The following SLC2A9 variants were observed in gnomAD, a reference collection of about 807,000 sequenced individuals.
SLC2A9 encodes solute carrier family 2 member 9.
SLC2A9 carries 39 observed loss-of-function variants against 50.6 expected under a neutral mutation model. The ratio of observed to expected loss-of-function variants is 0.77; its 90% CI spans 0.60 to 1.01. The LOEUF (loss-of-function observed/expected upper bound fraction) is 1.01, where lower values mean the gene tolerates loss of function less well. SLC2A9 is among the 50% of genes least tolerant of loss of function. SLC2A9 has a pLI of 0.00. For synonymous variants in SLC2A9, 324 were observed against 276.9 expected, an observed-to-expected ratio of 1.17 and a Z score of -1.69; for missense variants, 686 against 677.6, an observed-to-expected ratio of 1.01 and a Z score of -0.14.
At chr4:9,966,363 A>C (rs1207636901) in intron 5 of SLC2A9, among the ~76,000 whole-genome samples, 2 of 152,226 alleles carry the variant, frequency 1.3e-5, no homozygotes, top group African/African-American at 4.8e-5. Context: ...TTCAGTAATA[A>C]ACACACTGGA....
intron 1 of SLC2A9, among the ~76,000 whole-genome samples, chr4:10,033,080 A>G (rs993252804): frequency 9.2e-5 from 14 of 152,140 alleles, no homozygotes; most frequent in Admixed American, 3.9e-4. Context: ...CGTGCTGAGG[A>G]GTCTCTGAGG....
chr4:10,013,362 A>G (rs1404913242), intron 2 of SLC2A9, among the ~76,000 whole-genome samples: 1 of 152,168 alleles, frequency 6.6e-6, no homozygotes, highest in Non-Finnish European at 1.5e-5. Context: ...CTTCCAAATG[A>G]GGCATGAAAA....
intron 10 of SLC2A9, among the ~76,000 whole-genome samples, chr4:9,847,600 C>T (rs1266440612): frequency 1.3e-5 from 2 of 152,198 alleles, no homozygotes; most frequent in Non-Finnish European, 2.9e-5. Context: ...GGAACCCATG[C>T]TGGGGCATCA....
intron 3 of SLC2A9, among the ~76,000 whole-genome samples, chr4:9,992,805 G>C (rs575259240): frequency 6.6e-6 from 1 of 152,150 alleles, no homozygotes; most frequent in South Asian, 2.1e-4. Context: ...GTTTGCTTTG[G>C]GTTCCTGTCA....
intron 2 of SLC2A9, among the ~76,000 whole-genome samples, chr4:10,005,217 T>A (rs1304138904): frequency 6.6e-6 from 1 of 152,138 alleles, no homozygotes; most frequent in Non-Finnish European, 1.5e-5. Context: ...GGAATCCAAG[T>A]CAAGCAAGCA....
At chr4:9,916,854 T>G (rs1317550103) in intron 7 of SLC2A9, among the ~76,000 whole-genome samples, 1 of 152,222 alleles carries the variant, frequency 6.6e-6, no homozygotes, top group Non-Finnish European at 1.5e-5. Context: ...AAGAACTCCC[T>G]ATCTCCTGCC....
chr4:9,801,456 C>A (rs893180505), intron 3 of SLC2A9, among the ~76,000 whole-genome samples: 2 of 152,204 alleles, frequency 1.3e-5, no homozygotes, highest in African/African-American at 4.8e-5. Flanking sequence ...CTGGTTTACA[C>A]AATAAATTCA....
chr4:9,776,098 C>T (rs936620911), downstream of SLC2A9, among the ~76,000 whole-genome samples: 5 of 152,102 alleles, frequency 3.3e-5, no homozygotes, highest in Non-Finnish European at 7.3e-5. Flanking sequence ...GGGGCCATCT[C>T]TGCCACAAAC....
chr4:9,828,690 A>C (rs1349246696), intron 11 of SLC2A9, among the ~76,000 whole-genome samples: 2 of 152,026 alleles, frequency 1.3e-5, no homozygotes, highest in African/African-American at 4.8e-5. Flanking sequence ...TCTTCATCCG[A>C]CTTAAAGGTC....
chr4:9,961,834 G>A (rs1325488849), intron 5 of SLC2A9, among the ~76,000 whole-genome samples: 3 of 152,122 alleles, frequency 2.0e-5, no homozygotes, highest in East Asian at 3.8e-4. Context: ...CTAATATCCA[G>A]AGTCTAGAAG....
intron 10 of SLC2A9, among the ~76,000 whole-genome samples, chr4:9,862,058 G>A (rs549571345): frequency 6.6e-6 from 1 of 152,308 alleles, no homozygotes; most frequent in Non-Finnish European, 1.5e-5. Context: ...ACGAAGAACT[G>A]TTGAGCTGAA....
chr4:9,921,653 G>A (rs1743980458), intron 6 of SLC2A9, among the ~76,000 whole-genome samples: 3 of 152,226 alleles, frequency 2.0e-5, no homozygotes, highest in South Asian at 4.1e-4. Flanking sequence ...ATTTCCAGCA[G>A]GGTACTAAAA....
At chr4:9,830,773 T>C (rs943648892) in intron 11 of SLC2A9, among the ~76,000 whole-genome samples, 6 of 152,172 alleles carry the variant, frequency 3.9e-5, no homozygotes, top group Admixed American at 1.3e-4. Flanking sequence ...TCGCAGGCTT[T>C]ATAACAAATG....
chr4:9,843,948 T>A (rs915871269), intron 10 of SLC2A9, among the ~76,000 whole-genome samples: 1 of 152,114 alleles, frequency 6.6e-6, no homozygotes, highest in African/African-American at 2.4e-5. Context: ...TAACATATAG[T>A]GGCTCTTGCC....
chr4:10,028,722 A>G (rs1373267884), intron 1 of SLC2A9, among the ~76,000 whole-genome samples: 7 of 152,200 alleles, frequency 4.6e-5, no homozygotes. Flanking sequence ...CCCAGGGAAC[A>G]TTCCTGCCAA....
At chr4:9,784,068 C>G (rs373824597) in intron 3 of SLC2A9, 1 of 165,418 alleles carries the variant, frequency 6.0e-6, no homozygotes, top group Admixed American at 6.5e-5. Context: ...TCTGAAGAAA[C>G]GATGAGTGCA....
chr4:9,888,854 G>A (rs1736788230), intron 9 of SLC2A9, among the ~76,000 whole-genome samples: 1 of 152,080 alleles, frequency 6.6e-6, no homozygotes, highest in Admixed American at 6.5e-5. Context: ...TAGCTTTAGG[G>A]GTTGAGAGGA....
chr4:9,813,846 A>G (rs892867359), intron 3 of SLC2A9, among the ~76,000 whole-genome samples: 1 of 152,202 alleles, frequency 6.6e-6, no homozygotes, highest in Non-Finnish European at 1.5e-5. Flanking sequence ...CTGTAATCCC[A>G]GCACTTTGAA....
intron 5 of SLC2A9, among the ~76,000 whole-genome samples, chr4:9,951,253 G>A (rs1296965256): frequency 6.6e-6 from 1 of 152,130 alleles, no homozygotes; most frequent in Non-Finnish European, 1.5e-5. Flanking sequence ...GACAAATATT[G>A]CATGTTCTCT....
Sources: allele counts gnomAD v4.1 joint callset (sites outside exome capture counted in the v4.1 genomes callset), GRCh38; gene constraint gnomAD v4.1.1; transcripts MANE v1.5; gene names NCBI Gene and HGNC (gene_info 2026-07-23, HGNC 2026-07-21).